IPPK: variants seen among roughly 807,000 people sequenced by gnomAD.
IPPK encodes inositol-pentakisphosphate 2-kinase, also known as IPK1 homolog.
In IPPK, 22 loss-of-function variants were observed where a neutral mutation model predicts 64.6. The observed-to-expected ratio is 0.34, with a 90% CI of 0.24 to 0.49. IPPK has a LOEUF of 0.49. Among genes scored for constraint, IPPK ranks in the 20% least tolerant of loss-of-function variants. The pLI is 0.99. For synonymous variants in IPPK, 262 were observed against 247.2 expected, an observed-to-expected ratio of 1.06 and a Z score of -0.56; for missense variants, 532 against 630.7, an observed-to-expected ratio of 0.84 and a Z score of 1.68.
At chr9:92,619,402 A>T in intron 12 of IPPK, 84 bp downstream of exon 12, 1 of 1,138,414 alleles carries the variant, frequency 8.8e-7, no homozygotes, top group Non-Finnish European at 1.3e-6. Context: ...AATATGGGGA[A>T]ACCAACTATC....
intron 1 of IPPK, among the ~76,000 whole-genome samples, chr9:92,660,682 C>G (rs146778136): frequency 1.3e-5 from 2 of 152,142 alleles, no homozygotes; most frequent in African/African-American, 4.8e-5. Flanking sequence ...AACACAGGAC[C>G]CCCCTCCCCT....
At chr9:92,645,428 G>T (rs1378925230) in intron 6 of IPPK, among the ~76,000 whole-genome samples, 1 of 151,964 alleles carries the variant, frequency 6.6e-6, no homozygotes, top group Non-Finnish European at 1.5e-5. Flanking sequence ...TTCTTTAGTT[G>T]AAAAGTACAG....
At chr9:92,666,074 CAT>C (rs976516328) in intron 1 of IPPK, among the ~76,000 whole-genome samples, 3 of 152,208 alleles carry the variant, frequency 2.0e-5, no homozygotes, top group African/African-American at 4.8e-5. Flanking sequence ...TTTGTCCACA[CAT>C]GTGATCAATT....
chr9:92,619,393 A>G, intron 12 of IPPK, 93 bp downstream of exon 12: 1 of 1,033,476 alleles, frequency 9.7e-7, no homozygotes, highest in Non-Finnish European at 1.5e-6. Flanking sequence ...GAGTCTCTAA[A>G]TATGGGGAAA....
chr9:92,629,372 GAA>G (rs1247745025), intron 11 of IPPK, among the ~76,000 whole-genome samples: 1 of 152,072 alleles, frequency 6.6e-6, no homozygotes, highest in East Asian at 1.9e-4. Flanking sequence ...CAGAATAGGA[GAA>G]AATATTTGCC....
In IPPK at chr9:92,614,731, A is replaced by ATAAG. The variant is rs954637544; in HGVS notation, c.*1097_*1100dup. 2.8e-4 allele frequency: 43 copies of ATAAG among 152,774 alleles called. No individual in the cohort carries two copies. Among genetic ancestry groups the ATAAG allele is most frequent in the African/African-American group, 9.4e-4 (39 of 41,572 alleles). The allele number at this position is 152,774 out of a possible 1,614,324, so 9.5% of individuals were successfully genotyped here. A position where few individuals can be genotyped will look rare whatever the true frequency, so the allele number is the denominator to read the frequency against. ...TTAGTCCCTCAAAACGATGATATAA[A>ATAAG]TAAGTCTGTACAACCTAGCATAGAA... On this transcript the variant is annotated 3_prime_UTR_variant, in exon 13 of 13. Coordinates refer to ENST00000287996, the MANE Select transcript of IPPK (RefSeq NM_022755.6).
intron 2 of IPPK, among the ~76,000 whole-genome samples, chr9:92,656,914 T>C (rs1489891439): frequency 6.6e-6 from 1 of 152,240 alleles, no homozygotes; most frequent in Non-Finnish European, 1.5e-5. Flanking sequence ...AAAGAGATTT[T>C]ACTCTTTAGC....
chr9:92,668,074 C>A (rs1852637766), intron 1 of IPPK, among the ~76,000 whole-genome samples: 1 of 152,038 alleles, frequency 6.6e-6, no homozygotes, highest in Non-Finnish European at 1.5e-5. Flanking sequence ...TGGAGACCAG[C>A]CTGGTCAACA....
chr9:92,629,185 A>G (rs1445956774), intron 11 of IPPK, among the ~76,000 whole-genome samples: 2 of 152,240 alleles, frequency 1.3e-5, no homozygotes, highest in Non-Finnish European at 2.9e-5. Flanking sequence ...AGCTAAAACT[A>G]TAAAACTATT....
chr9:92,622,095 T>C (rs1421095830), intron 11 of IPPK, among the ~76,000 whole-genome samples: 3 of 152,062 alleles, frequency 2.0e-5, no homozygotes, highest in Non-Finnish European at 2.9e-5. Context: ...TCAATAGAAA[T>C]AGAAAAGGCA....
intron 1 of IPPK, among the ~76,000 whole-genome samples, chr9:92,668,447 G>A (rs1474199264): frequency 6.6e-6 from 1 of 152,146 alleles, no homozygotes; most frequent in Admixed American, 6.5e-5. Context: ...CTTTCAACAT[G>A]GGTGTCCTTT....
At position 92,669,838 on chromosome 9, in the gene IPPK, A is replaced by G. The variant is rs1852689703; in HGVS notation, c.81+70T>C. On this transcript the variant is annotated intron_variant, in intron 1 of 12. Transcript: ENST00000287996. The stretch of plus-strand genomic sequence containing the variant: ...GGAACCGACCCTGTTGAGGAAACGG[A>G]TAATGGGGGCGGGGTGATACCGGCC... The G allele has an allele frequency of 4.2e-6, 5 of 1,183,868 alleles. No individual in the cohort carries two copies. The East Asian group carries it at 7.6e-5, about 18-fold the overall frequency. The allele number at this position is 1,183,868 out of a possible 1,614,324, so 73.3% of individuals were successfully genotyped here. A position where few individuals can be genotyped will look rare whatever the true frequency, so the allele number is the denominator to read the frequency against.
chr9:92,647,035 T>G (rs1243758279), intron 6 of IPPK, among the ~76,000 whole-genome samples: 2 of 152,196 alleles, frequency 1.3e-5, no homozygotes, highest in Non-Finnish European at 2.9e-5. Flanking sequence ...AAACCAAAAG[T>G]TGTTTCTTTG....
chr9:92,620,293 C>G (rs1398015115), intron 11 of IPPK: 1 of 152,622 alleles, frequency 6.6e-6, no homozygotes, highest in Non-Finnish European at 1.5e-5. Flanking sequence ...AGGGACAGCT[C>G]AACACACACC....
intron 12 of IPPK, 82 bp downstream of exon 12, chr9:92,619,404 C>G: frequency 8.6e-7 from 1 of 1,157,264 alleles, no homozygotes; most frequent in Admixed American, 2.0e-5. Context: ...TATGGGGAAA[C>G]CAACTATCCT....
Position 92,635,017 on chromosome 9 carries a change from T to C in IPPK, c.1067+141A>G, listed in dbSNP as rs79442289. 4.1e-3 allele frequency: 3,027 copies of C among 738,382 alleles called. 47 individuals carry two copies. Among genetic ancestry groups the C allele is most frequent in the African/African-American group, 0.039 (2,185 of 56,094 alleles). 45.7% of individuals were successfully genotyped at this position (738,382 alleles called of 1,614,324 possible). On this transcript the variant is annotated intron_variant, in intron 10 of 12. Coordinates refer to ENST00000287996, the MANE Select transcript of IPPK (RefSeq NM_022755.6). This position sits in a 1 kb window ranked among gnomAD's most constrained non-coding sequence, Gnocchi z 4.4. ...ACATTCCAGAGCAGGCCTGGGCACC[T>C]GGGAGCGGAGGACTGGGGTAGGAAG...
chr9:92,668,255 G>A (rs947582338), intron 1 of IPPK, among the ~76,000 whole-genome samples: 3 of 152,172 alleles, frequency 2.0e-5, no homozygotes, highest in Non-Finnish European at 2.9e-5. Context: ...GCAACAGAGT[G>A]AGACCCCGTT....
chr9:92,615,656 T>C lies in IPPK; in HGVS notation c.*176A>G. On this transcript the variant is annotated 3_prime_UTR_variant, in exon 13 of 13. Coordinates refer to ENST00000287996, the MANE Select transcript of IPPK (RefSeq NM_022755.6). ...CAGCACTCACTTCCTACATTCCTTGTCCAGGAAGTTGTTTCTAGTGCTCTT... is the reference window on the plus strand; with the variant it reads ...CAGCACTCACTTCCTACATTCCTTGCCCAGGAAGTTGTTTCTAGTGCTCTT... 1.7e-6 allele frequency: 1 copy of C among 583,794 alleles called. No homozygotes were observed. Among genetic ancestry groups the C allele is most frequent in the South Asian group, 2.0e-5 (1 of 50,008 alleles). 36.2% of individuals were successfully genotyped at this position (583,794 alleles called of 1,614,324 possible).
intron 1 of IPPK, among the ~76,000 whole-genome samples, chr9:92,669,513 C>A (rs1363844367): frequency 6.6e-6 from 1 of 152,216 alleles, no homozygotes; most frequent in Non-Finnish European, 1.5e-5. Context: ...CCGTCCCAAC[C>A]AAGCCTCCAC....
Sources: allele counts gnomAD v4.1 joint callset (sites outside exome capture counted in the v4.1 genomes callset), GRCh38; gene constraint gnomAD v4.1.1; non-coding constraint Gnocchi (gnomAD v3.1); transcripts MANE v1.5; gene names NCBI Gene and HGNC (gene_info 2026-07-23, HGNC 2026-07-21).